Variants in ME3 observed in about 807,000 individuals in gnomAD.
ME3 encodes malic enzyme 3.
ME3 carries 48 observed loss-of-function variants against 68.9 expected under a neutral mutation model. The ratio of observed to expected loss-of-function variants is 0.70; its 90% CI spans 0.55 to 0.89. The LOEUF (loss-of-function observed/expected upper bound fraction) is 0.89, where lower values mean the gene tolerates loss of function less well. ME3 is among the 40% of genes least tolerant of loss of function. ME3 has a pLI of 0.00. For synonymous variants in ME3, 320 were observed against 318.8 expected, an observed-to-expected ratio of 1.00 and a Z score of -0.04; for missense variants, 675 against 797.4, an observed-to-expected ratio of 0.85 and a Z score of 1.85.
intron 2 of ME3, among the ~76,000 whole-genome samples, chr11:86,657,465 TAGGAG>T (rs1945974405): frequency 1.3e-5 from 1 of 77,918 alleles, no homozygotes; most frequent in East Asian, 2.9e-4. Flanking sequence ...TTGGGGCCTG[TAGGAG>T]GGGGTGTGGG....
chr11:86,534,063 TGAG>T (rs1159310557), intron 4 of ME3, among the ~76,000 whole-genome samples: 1 of 122,874 alleles, frequency 8.1e-6, no homozygotes, highest in Non-Finnish European at 1.7e-5. Context: ...ATGGTAAAAA[TGAG>T]GTGTGTGTGT....
chr11:86,639,115 C>T (rs769415827), intron 2 of ME3, among the ~76,000 whole-genome samples: 6 of 152,238 alleles, frequency 3.9e-5, no homozygotes, highest in Non-Finnish European at 7.3e-5. Context: ...CTTATTACTA[C>T]ATCTGTCTGA....
intron 2 of ME3, among the ~76,000 whole-genome samples, chr11:86,564,486 A>T (rs904785423): frequency 6.8e-6 from 1 of 146,994 alleles, no homozygotes; most frequent in Non-Finnish European, 1.5e-5. Flanking sequence ...ACAGTGTGGG[A>T]CTGGCATAAG....
chr11:86,648,859 G>A (rs1463979558), intron 2 of ME3, among the ~76,000 whole-genome samples: 1 of 152,190 alleles, frequency 6.6e-6, no homozygotes, highest in Non-Finnish European at 1.5e-5. Context: ...CCCAGGACCA[G>A]GCGGATTCAC....
At chr11:86,664,445 A>C (rs1366571208) in intron 2 of ME3, among the ~76,000 whole-genome samples, 1 of 152,220 alleles carries the variant, frequency 6.6e-6, no homozygotes, top group Non-Finnish European at 1.5e-5. Flanking sequence ...CTTTCCTTGG[A>C]GGATGATTCA....
At chr11:86,625,029 C>T (rs1432479376) in intron 2 of ME3, among the ~76,000 whole-genome samples, 1 of 152,108 alleles carries the variant, frequency 6.6e-6, no homozygotes, top group Non-Finnish European at 1.5e-5. Flanking sequence ...TAACAGAATA[C>T]CATTTAGTCA....
chr11:86,446,064 C>T (rs1345026877), intron 13 of ME3, among the ~76,000 whole-genome samples: 1 of 152,136 alleles, frequency 6.6e-6, no homozygotes, highest in Non-Finnish European at 1.5e-5. Context: ...AGGCATGTCT[C>T]CTCCTCTGTC....
At chr11:86,479,576 G>C (rs1185255982) in intron 7 of ME3, among the ~76,000 whole-genome samples, 1 of 152,020 alleles carries the variant, frequency 6.6e-6, no homozygotes, top group Non-Finnish European at 1.5e-5. Flanking sequence ...CTTTTCTCAT[G>C]ATGTACCTTC....
At chr11:86,495,107 TA>T in intron 6 of ME3, among the ~76,000 whole-genome samples, 1 of 152,182 alleles carries the variant, frequency 6.6e-6, no homozygotes, top group East Asian at 1.9e-4. Context: ...GGCACAGGTG[TA>T]ATGTGGGGAG....
chr11:86,541,671 C>T (rs746376397), intron 4 of ME3, among the ~76,000 whole-genome samples: 1 of 152,220 alleles, frequency 6.6e-6, no homozygotes, highest in Non-Finnish European at 1.5e-5. Flanking sequence ...ATAAAACTCC[C>T]ATCTCCCTGG....
chr11:86,547,899 A>G (rs1398767783), intron 4 of ME3, among the ~76,000 whole-genome samples: 1 of 152,212 alleles, frequency 6.6e-6, no homozygotes, highest in African/African-American at 2.4e-5. Flanking sequence ...GAGCCAGATA[A>G]AAAAGAAACA....
intron 4 of ME3, among the ~76,000 whole-genome samples, chr11:86,530,452 C>T (rs1004809632): frequency 6.6e-6 from 1 of 152,126 alleles, no homozygotes; most frequent in African/African-American, 2.4e-5. Context: ...CAATGCCATC[C>T]CCATCAAGCT....
At chr11:86,591,471 A>G (rs75344409) in intron 2 of ME3, among the ~76,000 whole-genome samples, 2,563 of 152,336 alleles carry the variant, frequency 0.017, 33 homozygotes, top group Non-Finnish European at 0.029. Flanking sequence ...GACAACACAG[A>G]CAGAGGGACA....
intron 4 of ME3, among the ~76,000 whole-genome samples, chr11:86,528,450 G>C (rs1401388315): frequency 6.6e-6 from 1 of 152,144 alleles, no homozygotes; most frequent in African/African-American, 2.4e-5. Context: ...AGATCAATGA[G>C]ACAGAAAGTT....
intron 2 of ME3, among the ~76,000 whole-genome samples, chr11:86,625,215 G>A (rs760281085): frequency 3.9e-5 from 6 of 152,010 alleles, no homozygotes; most frequent in Non-Finnish European, 8.8e-5. Context: ...CGTTAACAAA[G>A]TATGTCCGAG....
chr11:86,530,537 C>T (rs1955131610), intron 4 of ME3, among the ~76,000 whole-genome samples: 1 of 152,106 alleles, frequency 6.6e-6, no homozygotes, highest in Admixed American at 6.6e-5. Context: ...GCCTGCATTG[C>T]CAAGACAATC....
At chr11:86,469,303 TC>T (rs1345067972) in intron 7 of ME3, among the ~76,000 whole-genome samples, 1 of 152,156 alleles carries the variant, frequency 6.6e-6, no homozygotes, top group Non-Finnish European at 1.5e-5. Flanking sequence ...TTTCTACAAG[TC>T]CAGAGCAGGG....
At chr11:86,529,384 A>G (rs1955025726) in intron 4 of ME3, among the ~76,000 whole-genome samples, 2 of 152,168 alleles carry the variant, frequency 1.3e-5, no homozygotes, top group South Asian at 2.1e-4. Context: ...CAACCAAAAA[A>G]AGTCCAGGAC....
chr11:86,653,306 C>A (rs903345475), intron 2 of ME3, among the ~76,000 whole-genome samples: 2 of 152,154 alleles, frequency 1.3e-5, no homozygotes, highest in Admixed American at 6.5e-5. Flanking sequence ...TTTTCAGCAC[C>A]ACACCACACC....
Sources: gnomAD v4.1 joint callset for allele counts (sites outside exome capture counted in the v4.1 genomes callset) on GRCh38, gnomAD v4.1.1 for gene constraint, MANE v1.5 for transcripts, NCBI Gene and HGNC (gene_info 2026-07-23, HGNC 2026-07-21) for gene names.